Variants in ZNF560 observed in about 807,000 individuals in gnomAD.
ZNF560 encodes zinc finger protein 560.
In ZNF560, 54 loss-of-function variants were observed where a neutral mutation model predicts 81.8. The ratio of observed to expected loss-of-function variants is 0.66; its 90% CI spans 0.53 to 0.83. The LOEUF (loss-of-function observed/expected upper bound fraction) is 0.83, where lower values mean the gene tolerates loss of function less well. ZNF560 is among the 40% of genes least tolerant of loss of function. The pLI is 0.00. For missense variants in ZNF560, 940 were observed against 932.4 expected, an observed-to-expected ratio of 1.01 and a Z score of -0.11; for synonymous variants, 321 against 317.9, an observed-to-expected ratio of 1.01 and a Z score of -0.10.
chr19:9,484,356 G>A (rs898799036), intron 2 of ZNF560, among the ~76,000 whole-genome samples: 1 of 151,950 alleles, frequency 6.6e-6, no homozygotes, highest in Non-Finnish European at 1.5e-5. Context: ...TACCCAATAT[G>A]GCAGCCACTA....
chr19:9,495,237 A>G (rs1367464855), intron 2 of ZNF560, among the ~76,000 whole-genome samples: 1 of 152,228 alleles, frequency 6.6e-6, no homozygotes, highest in Non-Finnish European at 1.5e-5. Flanking sequence ...AAATTTGTAA[A>G]TGGACTATAG....
chr19:9,483,191 C>T (rs867244619), intron 2 of ZNF560, among the ~76,000 whole-genome samples: 12 of 151,794 alleles, frequency 7.9e-5, no homozygotes, highest in East Asian at 2.0e-4. Flanking sequence ...TGCCTCTTCC[C>T]GGCCGCCATC....
upstream of ZNF560, among the ~76,000 whole-genome samples, chr19:9,500,274 A>G (rs1364940375): frequency 1.3e-5 from 2 of 151,284 alleles, no homozygotes; most frequent in African/African-American, 4.9e-5. Context: ...AATCCCAGCT[A>G]CTCGGGAGGC....
the ZNF560 span, among the ~76,000 whole-genome samples, chr19:9,450,352 C>G: frequency 6.6e-6 from 1 of 151,518 alleles, no homozygotes; most frequent in Non-Finnish European, 1.5e-5. Context: ...CAACATAGTA[C>G]TAGGAGTCCC....
At chr19:9,463,411 C>T (rs1424764732), downstream of ZNF560, among the ~76,000 whole-genome samples, 1 of 152,124 alleles carries the variant, frequency 6.6e-6, no homozygotes. Context: ...CCCACAAGTG[C>T]TCATACTCCA....
intron 3 of ZNF560, 147 bp from the exon 4 acceptor site, chr19:9,474,472 A>C: frequency 3.6e-5 from 31 of 857,950 alleles, no homozygotes; most frequent in Non-Finnish European, 4.9e-5. Context: ...GGTAAATCTC[A>C]GGTATTCCTC....
At chr19:9,455,179 C>T in the ZNF560 span, among the ~76,000 whole-genome samples, 1 of 152,170 alleles carries the variant, frequency 6.6e-6, no homozygotes, top group African/African-American at 2.4e-5. Flanking sequence ...AATGTTATGG[C>T]TACATTTGAG....
intron 2 of ZNF560, among the ~76,000 whole-genome samples, chr19:9,488,246 TCAG>T (rs2144720223): frequency 6.6e-6 from 1 of 152,216 alleles, no homozygotes; most frequent in African/African-American, 2.4e-5. Flanking sequence ...GTGAGCCTCA[TCAG>T]AAGTAGAGCA....
chr19:9,452,702 A>T, the ZNF560 span, among the ~76,000 whole-genome samples: 1 of 152,248 alleles, frequency 6.6e-6, no homozygotes, highest in Non-Finnish European at 1.5e-5. Flanking sequence ...GCGAGTAATC[A>T]TGGATACAAC....
intron 4 of ZNF560, among the ~76,000 whole-genome samples, chr19:9,473,591 AT>A (rs1378161804): frequency 4.6e-5 from 7 of 152,066 alleles, no homozygotes; most frequent in African/African-American, 1.2e-4. Flanking sequence ...AAAAAAAAAA[AT>A]AATGGAAGAG....
chr19:9,477,420 T>C (rs1286999436), intron 2 of ZNF560, among the ~76,000 whole-genome samples: 1 of 152,194 alleles, frequency 6.6e-6, no homozygotes, highest in Admixed American at 6.5e-5. Context: ...TATAAAGGAC[T>C]CTGGGAATTG....
chr19:9,500,325 C>T (rs75812985), upstream of ZNF560, among the ~76,000 whole-genome samples: 2 of 140,462 alleles, frequency 1.4e-5, no homozygotes, highest in African/African-American at 2.6e-5. Context: ...GCGGAGGTTA[C>T]GGAGTTTGCA....
At chr19:9,484,627 C>T (rs796275729) in intron 2 of ZNF560, among the ~76,000 whole-genome samples, 5 of 79,734 alleles carry the variant, frequency 6.3e-5, no homozygotes, top group Non-Finnish European at 1.5e-4. Flanking sequence ...ACCGAAAATA[C>T]AAAAAAAAAA....
chr19:9,486,195 C>T (rs1459207626), intron 2 of ZNF560, among the ~76,000 whole-genome samples: 1 of 152,080 alleles, frequency 6.6e-6, no homozygotes, highest in Non-Finnish European at 1.5e-5. Flanking sequence ...GGATAATTAC[C>T]CCTCTTCCTG....
downstream of ZNF560, among the ~76,000 whole-genome samples, chr19:9,463,663 G>A (rs1378405328): frequency 6.6e-6 from 1 of 152,120 alleles, no homozygotes; most frequent in Non-Finnish European, 1.5e-5. Context: ...ACATGAAAAT[G>A]CATGGACCTC....
At chr19:9,505,210 A>T in the ZNF560 span, among the ~76,000 whole-genome samples, 2 of 152,226 alleles carry the variant, frequency 1.3e-5, no homozygotes, top group Non-Finnish European at 2.9e-5. Flanking sequence ...AAAGGCATAT[A>T]CCATCATGCA....
At chr19:9,470,594 A>T in intron 6 of ZNF560, 76 bp from the exon 7 acceptor site, 1 of 1,608,344 alleles carries the variant, frequency 6.2e-7, no homozygotes, top group Non-Finnish European at 8.5e-7. Context: ...AGGAAGGGGG[A>T]CCCAATCCCT....
downstream of ZNF560, among the ~76,000 whole-genome samples, chr19:9,464,743 T>C (rs1446266139): frequency 6.6e-6 from 1 of 152,188 alleles, no homozygotes; most frequent in Non-Finnish European, 1.5e-5. Context: ...AGAGGATGTA[T>C]AGCAACTAGA....
chr19:9,494,305 A>T (rs1473381741), intron 2 of ZNF560, among the ~76,000 whole-genome samples: 1 of 152,180 alleles, frequency 6.6e-6, no homozygotes, highest in African/African-American at 2.4e-5. Flanking sequence ...ACTAGGCAAA[A>T]CTGTGAACAT....
Sources: gnomAD v4.1 joint callset for allele counts (sites outside exome capture counted in the v4.1 genomes callset) on GRCh38, gnomAD v4.1.1 for gene constraint, MANE v1.5 for transcripts, NCBI Gene and HGNC (gene_info 2026-07-23, HGNC 2026-07-21) for gene names.